Variants in UBQLN4 observed in about 807,000 individuals in gnomAD.
The protein encoded by UBQLN4 is ubiquilin-4.
UBQLN4 carries 11 observed loss-of-function variants against 60.4 expected under a neutral mutation model. That is an observed-to-expected ratio of 0.18 (90% CI 0.11 to 0.30). The LOEUF (loss-of-function observed/expected upper bound fraction) is 0.30. Ranked by LOEUF, UBQLN4 falls within the 10% of genes least tolerant of loss-of-function variation. UBQLN4 has a pLI of 1.00. For missense variants in UBQLN4, 417 were observed against 795.5 expected, an observed-to-expected ratio of 0.52 and a Z score of 5.72; for synonymous variants, 258 against 313.1, an observed-to-expected ratio of 0.82 and a Z score of 1.86.
rs1468447168 is a variant in UBQLN4 at position 156,035,762 on chromosome 1, G to A, written c.*1216C>T. On this transcript the variant is annotated 3_prime_UTR_variant, in exon 11 of 11. Coordinates refer to ENST00000368309, the MANE Select transcript of UBQLN4 (RefSeq NM_020131.5). ...TTACCTCTGGGTTACCCAGCATCCAGAGCCCCAAGGGACCTAGCTCTCCCG... is the reference window on the plus strand; with the variant it reads ...TTACCTCTGGGTTACCCAGCATCCAAAGCCCCAAGGGACCTAGCTCTCCCG... The A allele has an allele frequency of 1.0e-6, 1 of 985,388 alleles. No homozygotes were observed. Among genetic ancestry groups the A allele is most frequent in the African/African-American group, 1.7e-5 (1 of 57,204 alleles). The allele number at this position is 985,388 out of a possible 1,614,324, so 61.0% of individuals were successfully genotyped here.
rs570265714 is a variant in UBQLN4 at position 156,048,322 on chromosome 1, T to A, written c.900+179A>T. Among the ~76,000 whole-genome samples, 1 of 152,324 alleles carries A rather than the reference T, an allele frequency of 6.6e-6. No homozygotes were observed. Among genetic ancestry groups the A allele is most frequent in the African/African-American group, 2.4e-5 (1 of 41,568 alleles). On this transcript the variant is annotated intron_variant, in intron 5 of 10. Coordinates refer to ENST00000368309, the MANE Select transcript of UBQLN4 (RefSeq NM_020131.5). The surrounding 1 kb of genome is among the most constrained non-coding windows in gnomAD (Gnocchi z 4.9). ...CTTCCACAAGGACCTCTGCTTATATTTGTCCATGCCAAAATGGACCATCCC... is the reference window on the plus strand; with the variant it reads ...CTTCCACAAGGACCTCTGCTTATATATGTCCATGCCAAAATGGACCATCCC...
At chr1:156,034,576 G>A (rs575512629), downstream of UBQLN4, among the ~76,000 whole-genome samples, 105 of 151,538 alleles carry the variant, frequency 6.9e-4, no homozygotes, top group African/African-American at 2.3e-3. Context: ...GATTATAGGC[G>A]TGAGCCACTG....
rs1283908724 is a variant in UBQLN4 at position 156,037,100 on chromosome 1, G to T, written c.1684C>A (p.Gln562Lys). ...VQTPEVRFQQ[Q>K]LEQLNSMGFI... ...CCCATGGAGTTGAGCTGCTCCAGCT[G>T]CTGCTGAAATCTCACTTCTGGCGTC... Residue 562 changes from glutamine (Q) to lysine (K), a missense_variant, in exon 11 of 11, where the codon CAG becomes AAG. Physicochemically the swap from Gln to Lys is moderately conservative, Grantham distance 53 (BLOSUM62 1). Transcript: ENST00000368309. The T allele has an allele frequency of 6.2e-7, 1 of 1,614,182 alleles. No individual in the cohort carries two copies. Among genetic ancestry groups the T allele is most frequent in the Non-Finnish European group, 8.5e-7 (1 of 1,180,026 alleles).
At position 156,051,184 on chromosome 1, in the gene UBQLN4, C is replaced by T; in HGVS notation, c.404G>A (p.Ser135Asn). 6.2e-7 allele frequency: 1 copy of T among 1,611,796 alleles called. No individual in the cohort carries two copies. Among genetic ancestry groups the T allele is most frequent in the Non-Finnish European group, 8.5e-7 (1 of 1,178,926 alleles). ...GSASSDAGSG[S>N]RRSSGGGPSP... Reference sequence around the variant, plus strand: ...GGGCCCCCCACCACTGCTCCTCCGGCTTCCACTGCCAGCATCTGAAGAGGC... The same window carrying T: ...GGGCCCCCCACCACTGCTCCTCCGGTTTCCACTGCCAGCATCTGAAGAGGC... Residue 135 changes from serine to asparagine, a missense_variant, in exon 3 of 11, where the codon AGC (serine) becomes AAC (asparagine). Coordinates refer to ENST00000368309, the MANE Select transcript of UBQLN4 (RefSeq NM_020131.5).
At chr1:156,046,273 A>T (rs1374516752) in intron 5 of UBQLN4, among the ~76,000 whole-genome samples, 2 of 145,278 alleles carry the variant, frequency 1.4e-5, no homozygotes, top group Non-Finnish European at 3.0e-5. Context: ...GGATCACCTG[A>T]GGTCAGGAGT....
At position 156,048,425 on chromosome 1, in the gene UBQLN4, C is replaced by A; in HGVS notation, c.900+76G>T. The A allele has an allele frequency of 6.6e-7, 1 of 1,506,822 alleles. No individual in the cohort carries two copies. The highest frequency in any genetic ancestry group is 9.0e-7 in the Non-Finnish European group (1 of 1,115,508). 93.3% of individuals were successfully genotyped at this position (1,506,822 alleles called of 1,614,324 possible). A position where few individuals can be genotyped will look rare whatever the true frequency, so the allele number is the denominator to read the frequency against. On this transcript the variant is annotated intron_variant, in intron 5 of 10. Coordinates refer to ENST00000368309, the MANE Select transcript of UBQLN4 (RefSeq NM_020131.5). The surrounding 1 kb of genome is among the most constrained non-coding windows in gnomAD (Gnocchi z 4.9). ...ACTGGGGAAAGAAAGAAGAGCAGGCCCAGGTTTGCCTGGGGTGGGGGTAGG... is the reference window on the plus strand; with the variant it reads ...ACTGGGGAAAGAAAGAAGAGCAGGCACAGGTTTGCCTGGGGTGGGGGTAGG...
At chr1:156,051,992 C>T (rs1246511474) in intron 1 of UBQLN4, 135 bp from the exon 2 acceptor site, 50 of 1,046,832 alleles carry the variant, frequency 4.8e-5, no homozygotes, top group Admixed American at 1.0e-4. Flanking sequence ...GTAGTCTCGA[C>T]GCCATTCCTC....
At chr1:156,042,624 T>A (rs1398059134) in intron 7 of UBQLN4, 150 bp downstream of exon 7, 2 of 1,244,044 alleles carry the variant, frequency 1.6e-6, no homozygotes, top group Non-Finnish European at 2.2e-6. Flanking sequence ...GGAGGCTAAA[T>A]AACTTGCTTA....
intron 9 of UBQLN4, 49 bp downstream of exon 9, chr1:156,041,823 G>A: frequency 6.5e-7 from 1 of 1,548,634 alleles, no homozygotes; most frequent in Non-Finnish European, 8.7e-7. Context: ...AAGAGTTGAA[G>A]GGGAGAAGTT....
intron 1 of UBQLN4, 135 bp from the exon 2 acceptor site, chr1:156,051,992 C>G: frequency 9.6e-7 from 1 of 1,046,950 alleles, no homozygotes; most frequent in Non-Finnish European, 1.4e-6. Context: ...GTAGTCTCGA[C>G]GCCATTCCTC....
chr1:156,042,530 C>G (rs1240572511), intron 7 of UBQLN4: 52 of 1,138,454 alleles, frequency 4.6e-5, no homozygotes, highest in Non-Finnish European at 6.0e-5. Context: ...GTTCTAAGCA[C>G]TTAACGTGTA....
rs914850456 is a variant in UBQLN4 at position 156,035,377 on chromosome 1, G to T, written c.*1601C>A. On this transcript the variant is annotated 3_prime_UTR_variant, in exon 11 of 11. Transcript: ENST00000368309. ...GGAGGCAGGGAGGGAAAGCCACACAGACATCTTCTCTGGACTGCTTGGGAC... is the reference window on the plus strand; with the variant it reads ...GGAGGCAGGGAGGGAAAGCCACACATACATCTTCTCTGGACTGCTTGGGAC... 1.0e-6 allele frequency: 1 copy of T among 984,986 alleles called. No individual in the cohort carries two copies. The highest frequency in any genetic ancestry group is 1.2e-6 in the Non-Finnish European group (1 of 829,694). 61.0% of individuals were successfully genotyped at this position (984,986 alleles called of 1,614,324 possible).
chr1:156,052,155 A>G (rs575550626), intron 1 of UBQLN4, among the ~76,000 whole-genome samples: 2 of 152,252 alleles, frequency 1.3e-5, no homozygotes, highest in African/African-American at 4.8e-5. Flanking sequence ...TGTAAGGCAG[A>G]GCAGCCTCCC....
intron 5 of UBQLN4, among the ~76,000 whole-genome samples, chr1:156,047,007 A>G (rs1683720201): frequency 6.6e-6 from 1 of 152,182 alleles, no homozygotes; most frequent in Non-Finnish European, 1.5e-5. Flanking sequence ...AAAGAAAAAG[A>G]ATAGGAGAGG....
rs750466678 is a variant in UBQLN4, at chr1:156,042,144, C to T, written c.1350+9G>A. The T allele has an allele frequency of 1.2e-6, 2 of 1,604,726 alleles. No individual in the cohort carries two copies. The highest frequency in any genetic ancestry group is 4.5e-5 in the East Asian group (2 of 44,590). On this transcript the variant is annotated intron_variant, in intron 8 of 10. Transcript: ENST00000368309. ...CCTCAACCTCCACCCATCTAGGCTC[C>T]TCACTCACCTGCTGCAGGAAGACTG...
downstream of UBQLN4, among the ~76,000 whole-genome samples, chr1:156,031,997 G>T (rs543505301): frequency 6.6e-6 from 1 of 151,656 alleles, no homozygotes; most frequent in South Asian, 2.1e-4. Context: ...AAGCAGGATT[G>T]TTCAAATATG....
intron 9 of UBQLN4, 96 bp from the exon 10 acceptor site, chr1:156,041,767 A>G: frequency 6.9e-7 from 1 of 1,453,666 alleles, no homozygotes; most frequent in Non-Finnish European, 9.2e-7. Flanking sequence ...GAAACAGGAA[A>G]ACAGACCCTC....
chr1:156,048,508 C>T lies in UBQLN4; in HGVS notation c.893G>A (p.Arg298Gln), dbSNP rs143327773. Residue 298 changes from arginine (R) to glutamine (Q), a missense_variant, in exon 5 of 11, where the codon CGG becomes CAG. By Grantham distance (43) the Arg-to-Gln change is conservative (BLOSUM62 1). Coordinates refer to ENST00000368309, the MANE Select transcript of UBQLN4 (RefSeq NM_020131.5). This position sits in a 1 kb window ranked among gnomAD's most constrained non-coding sequence, Gnocchi z 4.9. Reference protein sequence around the residue: ...DIQEPMFSAAREQFGNNPFSS... With the variant: ...DIQEPMFSAAQEQFGNNPFSS... ...CCTGGCCCTTGATCCCACCTGTTCC[C>T]GGGCAGCACTGAACATGGGCTCCTG... 13,470 of 1,608,944 alleles carry T rather than the reference C, an allele frequency of 8.4e-3. 88 individuals are homozygous for T. Among genetic ancestry groups the T allele is most frequent in the South Asian group, 0.017 (1,558 of 90,888 alleles).
At position 156,050,565 on chromosome 1, in the gene UBQLN4, G is replaced by C. The variant is rs1683841597; in HGVS notation, c.479-12C>G. On this transcript the variant is annotated splice_polypyrimidine_tract_variant and intron_variant, in intron 3 of 10. Transcript: ENST00000368309. This position sits in a 1 kb window ranked among gnomAD's most constrained non-coding sequence, Gnocchi z 4.6. ...GCCCCCAAAGCCAGCTGTGGGAAGGGGGCAGGGTCACAGTCTGCCACAAGA... is the reference window on the plus strand; with the variant it reads ...GCCCCCAAAGCCAGCTGTGGGAAGGCGGCAGGGTCACAGTCTGCCACAAGA... 1.2e-6 allele frequency: 2 copies of C among 1,600,596 alleles called. No homozygotes were observed. Among genetic ancestry groups the C allele is most frequent in the African/African-American group, 1.3e-5 (1 of 74,774 alleles).
Sources: gnomAD v4.1 joint callset for allele counts (sites outside exome capture counted in the v4.1 genomes callset) on GRCh38, gnomAD v4.1.1 for gene constraint, Gnocchi (gnomAD v3.1) non-coding constraint, MANE v1.5 for transcripts, NCBI Gene and HGNC (gene_info 2026-07-23, HGNC 2026-07-21) for gene names.